VCAN: variants seen among roughly 807,000 people sequenced by gnomAD.
The protein encoded by VCAN is versican, also known as versican core protein.
In VCAN, 44 loss-of-function variants were observed where a neutral mutation model predicts 245.5. The ratio of observed to expected loss-of-function variants is 0.18; its 90% CI spans 0.14 to 0.23. VCAN has a LOEUF of 0.23. VCAN is among the 10% of genes least tolerant of loss of function. The probability of loss-of-function intolerance (pLI) is 1.00; values close to 1 mark genes in which losing one functional copy is unlikely to be tolerated. For synonymous variants in VCAN, 1,413 were observed against 1,437.0 expected (o/e 0.98, Z 0.38); for missense variants, 3,793 against 4,057.9 (o/e 0.93, Z 1.77).
chr5:83,573,247 A>C (rs182625916), intron 13 of VCAN, among the ~76,000 whole-genome samples: 258 of 152,268 alleles, frequency 1.7e-3, no homozygotes, highest in African/African-American at 5.9e-3. Flanking sequence ...AATAGTTGTC[A>C]ACAGTTAAAA....
At chr5:83,491,550 C>T (rs1450104634) in intron 3 of VCAN, among the ~76,000 whole-genome samples, 1 of 151,986 alleles carries the variant, frequency 6.6e-6, no homozygotes, top group African/African-American at 2.4e-5. Flanking sequence ...TTTTTGTTAG[C>T]CTCACTACTG....
chr5:83,519,208 A>T, intron 6 of VCAN, 141 bp from the exon 7 acceptor site: 1 of 735,844 alleles, frequency 1.4e-6, no homozygotes, highest in African/African-American at 1.8e-5. Context: ...GTATAGTTTT[A>T]AGACTCCTCT....
intron 10 of VCAN, among the ~76,000 whole-genome samples, chr5:83,551,883 GC>G (rs3839293): frequency 0.19 from 28,647 of 150,786 alleles, 3,365 homozygotes; most frequent in Non-Finnish European, 0.26. Context: ...GCCAAAATTT[GC>G]TTCATTTTGA....
intron 12 of VCAN, among the ~76,000 whole-genome samples, chr5:83,561,842 G>C (rs1291536092): frequency 6.6e-6 from 1 of 152,036 alleles, no homozygotes; most frequent in Admixed American, 6.6e-5. Context: ...TAAACACAAA[G>C]GTTCTTATTC....
chr5:83,479,179 AC>A (rs1744526932), intron 1 of VCAN, among the ~76,000 whole-genome samples: 1 of 152,288 alleles, frequency 6.6e-6, no homozygotes, highest in South Asian at 2.1e-4. Flanking sequence ...CATTACATCC[AC>A]TTTGTAGCTG....
At position 83,539,684 on chromosome 5, in the gene VCAN, C is replaced by T. The variant is rs767536166; in HGVS notation, c.6681C>T (p.Ile2227=). Residue 2227 remains isoleucine (I), a synonymous_variant, in exon 8 of 15, where the codon ATC becomes ATT. Transcript: ENST00000265077. ...PAEHVVTDSP[I]KKEESTKHFP... ...AACATGTAGTCACAGATTCACCAAT[C>T]AAAAAGGAAGAAAGTACAAAACATT... is the stretch of plus-strand genomic sequence containing the variant. 3.7e-6 allele frequency: 6 copies of T among 1,613,712 alleles called. No individual in the cohort carries two copies. In the South Asian group the frequency reaches 5.5e-5, roughly 15 times the overall value.
intron 5 of VCAN, among the ~76,000 whole-genome samples, chr5:83,505,003 T>A (rs573019119): frequency 6.6e-6 from 1 of 152,178 alleles, no homozygotes; most frequent in South Asian, 2.1e-4. Flanking sequence ...TTAACTATTA[T>A]GAGAATAGCA....
At chr5:83,484,599 T>C (rs1580597714) in intron 2 of VCAN, among the ~76,000 whole-genome samples, 1 of 152,300 alleles carries the variant, frequency 6.6e-6, no homozygotes, top group Middle Eastern at 3.4e-3. Context: ...TGTTCACCCA[T>C]TGATGATATT....
At chr5:83,553,262 T>C (rs1184593197) in intron 10 of VCAN, 102 bp from the exon 11 acceptor site, 6 of 1,467,168 alleles carry the variant, frequency 4.1e-6, no homozygotes, top group Non-Finnish European at 5.7e-6. Flanking sequence ...TTCAGGGACA[T>C]TGCACAGATA....
chr5:83,537,554 A>G lies in VCAN; in HGVS notation c.4551A>G (p.Lys1517=). The G allele has an allele frequency of 6.2e-7, 1 of 1,613,872 alleles. No homozygotes were observed. The highest frequency in any genetic ancestry group is 8.5e-7 in the Non-Finnish European group (1 of 1,179,904). Residue 1517 remains lysine (K), a synonymous_variant, in exon 8 of 15, where the codon AAA becomes AAG. Coordinates refer to ENST00000265077, the MANE Select transcript of VCAN (RefSeq NM_004385.5). ...HEEFESGTAK[K]GAESVTERDT... is the part of the protein sequence containing the mutation. ...AATTTGAAAGTGGAACAGCCAAAAAAGGGGCAGAATCAGTCACAGAGAGAG... is the reference window on the plus strand; with the variant it reads ...AATTTGAAAGTGGAACAGCCAAAAAGGGGGCAGAATCAGTCACAGAGAGAG...
intron 1 of VCAN, among the ~76,000 whole-genome samples, chr5:83,475,806 G>A (rs1442932493): frequency 1.3e-5 from 2 of 152,154 alleles, no homozygotes; most frequent in Admixed American, 1.3e-4. Context: ...GGTAGGAAGC[G>A]GGATGAGATT....
At chr5:83,536,774 G>T in intron 7 of VCAN, 1 of 376,330 alleles carries the variant, frequency 2.7e-6, no homozygotes, top group Non-Finnish European at 4.8e-6. Context: ...ATGTGTTGAT[G>T]AGTCTTTATA....
Position 83,581,705 on chromosome 5 carries a change from C to T in VCAN, c.*1271C>T, listed in dbSNP as rs1174846144. 2.0e-5 allele frequency: 3 copies of T among 152,150 alleles called. No homozygotes were observed. Among genetic ancestry groups the T allele is most frequent in the African/African-American group, 7.2e-5 (3 of 41,430 alleles). The allele number at this position is 152,150 out of a possible 1,614,324, so 9.4% of individuals were successfully genotyped here. A position where few individuals can be genotyped will look rare whatever the true frequency, so the allele number is the denominator to read the frequency against. On this transcript the variant is annotated 3_prime_UTR_variant, in exon 15 of 15. Transcript: ENST00000265077. The stretch of plus-strand genomic sequence containing the variant: ...AGCGAATATATAGAAATAGTGTGGG[C>T]ATTTCTTCCTGTTAGGTGGAGTGTA...
chr5:83,486,432 C>T (rs1744794338), intron 2 of VCAN, among the ~76,000 whole-genome samples: 1 of 152,140 alleles, frequency 6.6e-6, no homozygotes, highest in South Asian at 2.1e-4. Context: ...TGAAGACATG[C>T]TAATCAGATG....
intron 5 of VCAN, among the ~76,000 whole-genome samples, chr5:83,499,206 G>A (rs532373465): frequency 1.3e-5 from 2 of 151,980 alleles, no homozygotes; most frequent in Non-Finnish European, 2.9e-5. Context: ...TTTACTTAGA[G>A]TTAGTTCCAT....
chr5:83,566,902 G>C (rs1390655281), intron 12 of VCAN, among the ~76,000 whole-genome samples: 3 of 152,166 alleles, frequency 2.0e-5, no homozygotes, highest in African/African-American at 7.2e-5. Context: ...GCTTCAGTCT[G>C]CTCTGAGTTT....
chr5:83,573,248 A>G (rs975214371), intron 13 of VCAN, among the ~76,000 whole-genome samples: 1 of 152,134 alleles, frequency 6.6e-6, no homozygotes, highest in East Asian at 1.9e-4. Flanking sequence ...ATAGTTGTCA[A>G]CAGTTAAAAA....
intron 1 of VCAN, among the ~76,000 whole-genome samples, chr5:83,474,553 G>T (rs764714462): frequency 2.0e-5 from 3 of 152,220 alleles, no homozygotes; most frequent in Non-Finnish European, 4.4e-5. Flanking sequence ...GACCCGCAAC[G>T]GGCGCTCCCC....
intron 1 of VCAN, among the ~76,000 whole-genome samples, chr5:83,474,391 C>T (rs961366259): frequency 3.3e-5 from 5 of 152,158 alleles, no homozygotes; most frequent in East Asian, 1.9e-4. Flanking sequence ...TTAGGATACT[C>T]TTTTCCCTTT....
Sources: gnomAD v4.1 joint callset for allele counts (sites outside exome capture counted in the v4.1 genomes callset) on GRCh38, gnomAD v4.1.1 for gene constraint, MANE v1.5 for transcripts, NCBI Gene and HGNC (gene_info 2026-07-23, HGNC 2026-07-21) for gene names.